Variants in GMCL1 observed in about 807,000 individuals in gnomAD.
The protein encoded by GMCL1 is germ cell-less 1, spermatogenesis associated.
A neutral mutation model predicts 75.5 loss-of-function variants in GMCL1; 54 were observed. The ratio of observed to expected loss-of-function variants is 0.71; its 90% confidence interval spans 0.57 to 0.90. The LOEUF is 0.90. Ranked by LOEUF, GMCL1 falls within the 40% of genes least tolerant of loss-of-function variation. GMCL1 has a pLI of 0.00. For missense variants in GMCL1, 537 were observed against 622.7 expected (o/e 0.86, Z 1.47); for synonymous variants, 210 against 209.6 (o/e 1.00, Z -0.02).
Position 69,878,186 on chromosome 2 carries a change from T to C in GMCL1, c.1453-723T>C, listed in dbSNP as rs536468211. Among the ~76,000 whole-genome samples, 5 of 152,320 alleles carry C rather than the reference T, an allele frequency of 3.3e-5. No individual in the cohort carries two copies. The East Asian group carries it at 9.6e-4, about 29-fold the overall frequency. On this transcript the variant is annotated intron_variant, in intron 13 of 13. Transcript: ENST00000282570. ...ATGTAACTGAACCTGAAATTGCTTT[T>C]CCATGATAATGTATTTTATGTTTCA...
In GMCL1 at chr2:69,868,573, T is replaced by C. The variant is rs543224343; in HGVS notation, c.1219-1146T>C. Among the ~76,000 whole-genome samples the C allele has an allele frequency of 8.6e-5, 13 of 151,442 alleles. No homozygotes were observed. The South Asian group carries it at 2.7e-3, about 31-fold the overall frequency. On this transcript the variant is annotated intron_variant, in intron 11 of 13. Coordinates refer to ENST00000282570, the MANE Select transcript of GMCL1 (RefSeq NM_178439.5). ...TTTTTATTTTTATTTTTATTTTTTT[T>C]TATTCTTTTTTGTATTTTTAGTAGA...
At chr2:69,877,416 C>T (rs542974104) in intron 13 of GMCL1, among the ~76,000 whole-genome samples, 7 of 152,310 alleles carry the variant, frequency 4.6e-5, no homozygotes, top group South Asian at 2.1e-4. Context: ...GCTAATCTTC[C>T]TCAGAGCCTT....
intron 7 of GMCL1, among the ~76,000 whole-genome samples, chr2:69,848,954 T>C (rs1675231313): frequency 1.3e-5 from 2 of 152,206 alleles, no homozygotes; most frequent in African/African-American, 4.8e-5. Flanking sequence ...AGCTCCTTTT[T>C]CCCATGTTCA....
chr2:69,841,120 G>T, intron 4 of GMCL1, 81 bp downstream of exon 4: 2 of 861,680 alleles, frequency 2.3e-6, no homozygotes, highest in Non-Finnish European at 1.7e-6. Context: ...CAAAAATAAA[G>T]CTTAGCTTTT....
chr2:69,839,276 A>T (rs570112303), intron 2 of GMCL1, among the ~76,000 whole-genome samples, 181 bp from the exon 3 acceptor site: 1 of 152,374 alleles, frequency 6.6e-6, no homozygotes, highest in South Asian at 2.1e-4. Context: ...TACACCTAAT[A>T]GTGTCCTTAT....
intron 1 of GMCL1, 64 bp downstream of exon 1, chr2:69,830,216 G>A (rs1451496675): frequency 5.3e-6 from 8 of 1,497,536 alleles, no homozygotes; most frequent in African/African-American, 1.5e-5. Context: ...GGCCGAGCCG[G>A]CGCCTCGTGC....
chr2:69,839,127 TCAGGTGTA>T (rs147647102), intron 2 of GMCL1, among the ~76,000 whole-genome samples: 11,866 of 152,186 alleles, frequency 0.078, 1,572 homozygotes, highest in African/African-American at 0.27. Context: ...TTATAGCCAT[TCAGGTGTA>T]CAGTAAAGAT....
chr2:69,849,310 C>T (rs1675243137), intron 7 of GMCL1, among the ~76,000 whole-genome samples: 2 of 152,122 alleles, frequency 1.3e-5, no homozygotes, highest in East Asian at 3.9e-4. Context: ...GCTGGGACTC[C>T]AGATGCATAC....
intron 13 of GMCL1, among the ~76,000 whole-genome samples, chr2:69,872,863 C>T (rs566823971): frequency 6.6e-6 from 1 of 152,292 alleles, no homozygotes; most frequent in South Asian, 2.1e-4. Flanking sequence ...TGTCATGGCT[C>T]AAACCCAGCC....
At chr2:69,869,512 G>A in intron 11 of GMCL1, 1 of 467,094 alleles carries the variant, frequency 2.1e-6, no homozygotes, top group South Asian at 3.8e-5. Context: ...AAGTAGCTTA[G>A]AGAATTATGA....
chr2:69,841,050 A>G lies in GMCL1; in HGVS notation c.579+11A>G, dbSNP rs752278890. 4.4e-6 allele frequency: 7 copies of G among 1,590,038 alleles called. No individual in the cohort carries two copies. In the South Asian group the frequency reaches 6.6e-5, roughly 15 times the overall value. On this transcript the variant is annotated intron_variant, in intron 4 of 13. Coordinates refer to ENST00000282570, the MANE Select transcript of GMCL1 (RefSeq NM_178439.5). The stretch of plus-strand genomic sequence containing the variant: ...TGTTTGCTGCAGTTGGTAAGTATGC[A>G]CGTTATTCGAAGAAAGGTTCAGAAT...
intron 13 of GMCL1, among the ~76,000 whole-genome samples, chr2:69,876,797 C>T (rs1676138288): frequency 6.6e-6 from 1 of 152,030 alleles, no homozygotes; most frequent in Non-Finnish European, 1.5e-5. Context: ...AAGACCAGCC[C>T]TGGCAACTTA....
intron 1 of GMCL1, among the ~76,000 whole-genome samples, chr2:69,834,286 G>C (rs936197232): frequency 6.6e-6 from 1 of 152,040 alleles, no homozygotes; most frequent in African/African-American, 2.4e-5. Flanking sequence ...CCATCCTCCT[G>C]TTCCAATCTG....
intron 1 of GMCL1, among the ~76,000 whole-genome samples, chr2:69,835,432 C>CT (rs375906553): frequency 4.0e-5 from 6 of 151,594 alleles, no homozygotes; most frequent in African/African-American, 1.5e-4. Flanking sequence ...GGGAGTCTCT[C>CT]TGTCTCTCTG....
chr2:69,847,986 T>C (rs1024464263), intron 7 of GMCL1, among the ~76,000 whole-genome samples: 3 of 152,242 alleles, frequency 2.0e-5, no homozygotes, highest in African/African-American at 7.2e-5. Context: ...TACACACGCT[T>C]TTTCTAAGAA....
At chr2:69,875,634 T>G (rs1024859367) in intron 13 of GMCL1, among the ~76,000 whole-genome samples, 15 of 152,170 alleles carry the variant, frequency 9.9e-5, no homozygotes, top group African/African-American at 2.9e-4. Flanking sequence ...GTCTCTAAAA[T>G]TTGTAGTTTT....
At chr2:69,835,383 T>C (rs1674790042) in intron 1 of GMCL1, among the ~76,000 whole-genome samples, 1 of 152,216 alleles carries the variant, frequency 6.6e-6, no homozygotes, top group South Asian at 2.1e-4. Flanking sequence ...GGTGTTTTTT[T>C]CCTCTCTTTT....
intron 12 of GMCL1, 53 bp from the exon 13 acceptor site, chr2:69,871,692 A>T: frequency 1.1e-6 from 1 of 932,754 alleles, no homozygotes; most frequent in Non-Finnish European, 1.6e-6. Context: ...GAGCTTGTTT[A>T]ATCTGTGGTT....
intron 9 of GMCL1, among the ~76,000 whole-genome samples, chr2:69,860,293 A>T (rs1675604626): frequency 6.6e-6 from 1 of 151,828 alleles, no homozygotes; most frequent in Non-Finnish European, 1.5e-5. Context: ...CACCTGGCCT[A>T]CTCTTATTTT....
Sources: gnomAD v4.1 joint callset for allele counts (sites outside exome capture counted in the v4.1 genomes callset) on GRCh38, gnomAD v4.1.1 for gene constraint, MANE v1.5 for transcripts, NCBI Gene and HGNC (gene_info 2026-07-23, HGNC 2026-07-21) for gene names.